The following CBR4 variants were observed in gnomAD, a reference collection of about 807,000 sequenced individuals.
CBR4 encodes carbonyl reductase 4, also known as 3-oxoacyl-[acyl-carrier-protein] reductase.
CBR4 carries 22 observed loss-of-function variants against 21.0 expected under a neutral mutation model. The ratio of observed to expected loss-of-function variants is 1.05; its 90% CI spans 0.75 to 1.50. The LOEUF (loss-of-function observed/expected upper bound fraction) is 1.50. Ranked by LOEUF, CBR4 falls within the 40% of genes most tolerant of loss-of-function variation. The probability of loss-of-function intolerance (pLI) is 0.00; values close to 1 mark genes in which losing one functional copy is unlikely to be tolerated. For missense variants in CBR4, 302 were observed against 286.3 expected (o/e 1.05, Z -0.40); for synonymous variants, 100 against 104.4 (o/e 0.96, Z 0.26).
intron 2 of CBR4, among the ~76,000 whole-genome samples, chr4:168,949,157 T>C (rs1467882262): frequency 6.6e-6 from 1 of 152,034 alleles, no homozygotes; most frequent in Non-Finnish European, 1.5e-5. Flanking sequence ...CTTGATTTGA[T>C]TCTCTGCTTG....
At position 169,007,767 on chromosome 4, in the gene CBR4, A is replaced by C. The variant is rs1731044501; in HGVS notation, c.143-11T>G. The C allele has an allele frequency of 5.1e-6, 8 of 1,558,330 alleles. No individual in the cohort carries two copies. The highest frequency in any genetic ancestry group is 6.9e-6 in the Non-Finnish European group (8 of 1,155,210). On this transcript the variant is annotated splice_polypyrimidine_tract_variant and intron_variant, in intron 1 of 4. Transcript: ENST00000306193. ...ATGCCAAATGATCTCCTACACAACAAAGTTAAATAAGAATTACTTATAACT... is the reference window on the plus strand; with the variant it reads ...ATGCCAAATGATCTCCTACACAACACAGTTAAATAAGAATTACTTATAACT...
At chr4:168,904,655 T>A (rs2151312709) in intron 2 of CBR4, among the ~76,000 whole-genome samples, 1 of 152,170 alleles carries the variant, frequency 6.6e-6, no homozygotes, top group Non-Finnish European at 1.5e-5. Context: ...GCAAAAGTAG[T>A]ATAAATAACA....
At chr4:168,947,728 A>C (rs1319346130) in intron 2 of CBR4, among the ~76,000 whole-genome samples, 1 of 152,138 alleles carries the variant, frequency 6.6e-6, no homozygotes, top group Non-Finnish European at 1.5e-5. Flanking sequence ...TTTATGGCTG[A>C]GCAGTATTCC....
rs764895263 is a variant in CBR4, at chr4:168,987,990, C to A, written c.*2160G>T. 4.1e-6 allele frequency: 4 copies of A among 985,274 alleles called. No homozygotes were observed. The highest frequency in any genetic ancestry group is 4.8e-6 in the Non-Finnish European group (4 of 829,920). 61.0% of individuals were successfully genotyped at this position (985,274 alleles called of 1,614,324 possible). A position where few individuals can be genotyped will look rare whatever the true frequency, so the allele number is the denominator to read the frequency against. On this transcript the variant is annotated 3_prime_UTR_variant, in exon 5 of 5. Transcript: ENST00000306193. ...ATGCTAAGCACAGAACCCTTATGGG[C>A]TCATAGGAGTCAGCAAACAGCTACA... is the stretch of plus-strand genomic sequence containing the variant.
intron 2 of CBR4, among the ~76,000 whole-genome samples, chr4:168,897,171 C>T (rs966293807): frequency 6.6e-6 from 1 of 152,050 alleles, no homozygotes; most frequent in Admixed American, 6.6e-5. Context: ...ATACTCTGAA[C>T]ATTAAATCAA....
chr4:168,941,842 A>C (rs1021009538), intron 2 of CBR4, among the ~76,000 whole-genome samples: 1 of 152,074 alleles, frequency 6.6e-6, no homozygotes, highest in African/African-American at 2.4e-5. Flanking sequence ...TTATATAGTT[A>C]GTTGGCCACA....
chr4:168,990,262 C>A lies in CBR4; in HGVS notation c.602G>T (p.Gly201Val), dbSNP rs1764847271. Residue 201 changes from glycine (G) to valine (V), a missense_variant, in exon 5 of 5, where the codon GGG (glycine) becomes GTG (valine). Transcript: ENST00000306193. ...EEHLKKNIPL[G>V]RFGETIEVAH... The stretch of plus-strand genomic sequence containing the variant: ...CACCTCAATAGTTTCTCCAAACCTC[C>A]CAAGAGGAATATTTTTCTTTAAATG... 1 of 1,613,068 alleles carries A rather than the reference C, an allele frequency of 6.2e-7. No homozygotes were observed. Among genetic ancestry groups the A allele is most frequent in the South Asian group, 1.1e-5 (1 of 91,016 alleles).
intron 2 of CBR4, among the ~76,000 whole-genome samples, chr4:168,907,720 C>T (rs1758099621): frequency 6.6e-6 from 1 of 152,154 alleles, no homozygotes; most frequent in Admixed American, 6.5e-5. Flanking sequence ...TTGCTCTACC[C>T]TTTGGAGAGA....
At chr4:168,932,618 G>C (rs887710595) in intron 2 of CBR4, among the ~76,000 whole-genome samples, 1 of 152,116 alleles carries the variant, frequency 6.6e-6, no homozygotes, top group African/African-American at 2.4e-5. Flanking sequence ...GTTCCTCTCT[G>C]AGGCACATTA....
rs1181628393 is a variant in CBR4, at chr4:168,988,519, G to C, written c.*1631C>G. 6.1e-6 allele frequency: 6 copies of C among 985,246 alleles called. No homozygotes were observed. Among genetic ancestry groups the C allele is most frequent in the Non-Finnish European group, 7.2e-6 (6 of 829,924 alleles). 61.0% of individuals were successfully genotyped at this position (985,246 alleles called of 1,614,324 possible). ...CAGGTAGCCAAAGGCCAGCAATTGA[G>C]ACAGCATTAGAGAAACTATCTACTA... On this transcript the variant is annotated 3_prime_UTR_variant, in exon 5 of 5. Coordinates refer to ENST00000306193, the MANE Select transcript of CBR4 (RefSeq NM_032783.5).
At chr4:168,972,689 T>C (rs564951599) in intron 2 of CBR4, among the ~76,000 whole-genome samples, 2 of 152,280 alleles carry the variant, frequency 1.3e-5, no homozygotes, top group South Asian at 4.1e-4. Context: ...AATGAGTCTT[T>C]AGGGTTTTCT....
At chr4:168,898,344 C>T in intron 2 of CBR4, 22 of 671,544 alleles carry the variant, frequency 3.3e-5, no homozygotes, top group Middle Eastern at 7.9e-4. Context: ...TTTTTTGTTT[C>T]ATATGCAATT....
intron 4 of CBR4, among the ~76,000 whole-genome samples, chr4:168,995,113 T>G (rs537388397): frequency 6.6e-6 from 1 of 152,288 alleles, no homozygotes; most frequent in Admixed American, 6.5e-5. Context: ...TATGCCTCAT[T>G]AAGTACTCTT....
intron 4 of CBR4, among the ~76,000 whole-genome samples, chr4:168,993,358 A>C (rs968697709): frequency 6.6e-6 from 1 of 151,930 alleles, no homozygotes; most frequent in African/African-American, 2.4e-5. Context: ...CTACAGGCAC[A>C]CGCCACCATG....
In CBR4 at chr4:168,990,161, G is replaced by A. The variant is rs200684517; in HGVS notation, c.703C>T (p.Leu235Phe). The A allele has an allele frequency of 5.4e-4, 867 of 1,596,026 alleles. 5 individuals are homozygous for A. Among genetic ancestry groups the A allele is most frequent in the Non-Finnish European group, 4.8e-5 (56 of 1,171,604 alleles). The change falls in exon 5 of 5, where the codon CTC (leucine) becomes TTC (phenylalanine). Residue 235 changes from leucine (L) to phenylalanine (F), a missense_variant. Physicochemically the swap from Leu to Phe is conservative, Grantham distance 22. Transcript: ENST00000306193. ...HVLVVDGGLQ[L>F]IL ...GAATAATCTGCAAATTACAAAATGA[G>A]TTGTAATCCCCCATCCACTACCAGA...
chr4:168,970,230 A>G (rs1487122787), intron 2 of CBR4, among the ~76,000 whole-genome samples: 1 of 152,178 alleles, frequency 6.6e-6, no homozygotes, highest in Non-Finnish European at 1.5e-5. Context: ...AAAAGGACTT[A>G]ATTTTAATAT....
chr4:168,968,396 T>C (rs753571949), intron 2 of CBR4, among the ~76,000 whole-genome samples: 1 of 152,236 alleles, frequency 6.6e-6, no homozygotes, highest in Non-Finnish European at 1.5e-5. Context: ...CTTTGGACTA[T>C]ACTGTGACAG....
At chr4:168,934,044 T>A (rs1763034738) in intron 2 of CBR4, among the ~76,000 whole-genome samples, 1 of 151,718 alleles carries the variant, frequency 6.6e-6, no homozygotes, top group African/African-American at 2.4e-5. Flanking sequence ...GCAATAAACA[T>A]CTATATCAAA....
chr4:168,996,213 G>A (rs1765193145), intron 4 of CBR4, among the ~76,000 whole-genome samples: 1 of 152,076 alleles, frequency 6.6e-6, no homozygotes, highest in Admixed American at 6.5e-5. Context: ...TGAAAGGAAG[G>A]GATGAATTCA....
Sources: allele counts gnomAD v4.1 joint callset (sites outside exome capture counted in the v4.1 genomes callset), GRCh38; gene constraint gnomAD v4.1.1; transcripts MANE v1.5; gene names NCBI Gene and HGNC (gene_info 2026-07-23, HGNC 2026-07-21).